The following INSR variants were observed in gnomAD, a reference collection of about 807,000 sequenced individuals.
The protein encoded by INSR is insulin receptor, also known as IR.
INSR carries 67 observed loss-of-function variants against 142.6 expected under a neutral mutation model. The ratio of observed to expected loss-of-function variants is 0.47; its 90% CI spans 0.39 to 0.58. The LOEUF is 0.58. Ranked by LOEUF, INSR falls within the 20% of genes least tolerant of loss-of-function variation. INSR has a pLI of 0.00. For missense variants in INSR, 1,248 were observed against 1,833.2 expected, an observed-to-expected ratio of 0.68 and a Z score of 5.83; for synonymous variants, 756 against 743.1, an observed-to-expected ratio of 1.02 and a Z score of -0.28.
chr19:7,156,310 C>T (rs1489265946), intron 9 of INSR, among the ~76,000 whole-genome samples: 1 of 151,962 alleles, frequency 6.6e-6, no homozygotes, highest in East Asian at 1.9e-4. Flanking sequence ...ATCTGCCCAC[C>T]TCGGCCTCCC....
At chr19:7,147,944 TG>T (rs1431089169) in intron 11 of INSR, among the ~76,000 whole-genome samples, 1 of 151,876 alleles carries the variant, frequency 6.6e-6, no homozygotes, top group Non-Finnish European at 1.5e-5. Flanking sequence ...GACAGAGTCT[TG>T]CTCTGTTGCC....
At chr19:7,197,547 C>G (rs1272107310) in intron 2 of INSR, among the ~76,000 whole-genome samples, 75 of 45,284 alleles carry the variant, frequency 1.7e-3, no homozygotes, top group South Asian at 3.7e-3. Context: ...GTGTGTGTGT[C>G]AGGTTCCAGA....
At chr19:7,191,916 CAGAA>C (rs1191536049) in intron 2 of INSR, among the ~76,000 whole-genome samples, 2 of 119,096 alleles carry the variant, frequency 1.7e-5, no homozygotes, top group East Asian at 2.7e-4. Context: ...AAGAGAAAGA[CAGAA>C]AGAAGGAGGG....
At chr19:7,197,898 T>G in intron 2 of INSR, among the ~76,000 whole-genome samples, 1 of 124,114 alleles carries the variant, frequency 8.1e-6, no homozygotes, top group Non-Finnish European at 1.6e-5. Flanking sequence ...AGCCCCAGGA[T>G]TGGTCGGTTC....
At position 7,215,451 on chromosome 19, in the gene INSR, G is replaced by A. The variant is rs561061449; in HGVS notation, c.653-30814C>T. ...CCCTCCACCCACTCAGTCCTCTCTC[G>A]GTTCCACTTCAGGATGACTCGAAAG... On this transcript the variant is annotated intron_variant, in intron 2 of 21. Transcript: ENST00000302850. Among the ~76,000 whole-genome samples the A allele has an allele frequency of 4.0e-5, 6 of 150,468 alleles. No homozygotes were observed. The South Asian group carries it at 6.3e-4, about 16-fold the overall frequency.
intron 2 of INSR, among the ~76,000 whole-genome samples, chr19:7,235,061 AAAT>A (rs35762925): frequency 6.7e-6 from 1 of 150,340 alleles, no homozygotes; most frequent in Non-Finnish European, 1.5e-5. Context: ...CCGTCTCAAA[AAAT>A]AATAATAATA....
chr19:7,183,706 C>G lies in INSR; in HGVS notation c.974+610G>C, dbSNP rs1004795402. 4.6e-5 allele frequency among the ~76,000 whole-genome samples: 7 copies of G among 152,194 alleles called. No homozygotes were observed. In the South Asian group the frequency reaches 1.5e-3, roughly 32 times the overall value. On this transcript the variant is annotated intron_variant, in intron 3 of 21. Transcript: ENST00000302850. ...GGAGGATTTTAGGGAAAACCAAGGA[C>G]TCTGTCCTTATTATATTTTCTTGTT...
At chr19:7,144,541 T>G (rs1490430803) in intron 11 of INSR, among the ~76,000 whole-genome samples, 1 of 152,046 alleles carries the variant, frequency 6.6e-6, no homozygotes, top group Non-Finnish European at 1.5e-5. Flanking sequence ...GTAGCTGGGA[T>G]TACAGGAGTC....
chr19:7,174,269 G>A (rs192948840), intron 4 of INSR, among the ~76,000 whole-genome samples: 13 of 151,570 alleles, frequency 8.6e-5, no homozygotes, highest in African/African-American at 3.2e-4. Flanking sequence ...TCCAGCCTGG[G>A]CAATGGAGCA....
At chr19:7,197,918 A>T (rs112690302) in intron 2 of INSR, among the ~76,000 whole-genome samples, 1,500 of 100,274 alleles carry the variant, frequency 0.015, 98 homozygotes, top group African/African-American at 0.048. Context: ...CCAGAGTGAG[A>T]GTGTGTGTGT....
rs1972446626 is a variant in INSR, at chr19:7,119,911, C to T, written c.3660-328G>A. 6.6e-6 allele frequency among the ~76,000 whole-genome samples: 1 copy of T among 152,046 alleles called. No homozygotes were observed. ...ATGCACACACATACACACACAAACA[C>T]ACACACAAACACATCTCTTGGTTTC... is the stretch of plus-strand genomic sequence containing the variant. On this transcript the variant is annotated intron_variant, in intron 20 of 21. Transcript: ENST00000302850. The surrounding 1 kb of genome is among the most constrained non-coding windows in gnomAD (Gnocchi z 5.2).
In INSR at chr19:7,175,605, C is replaced by A. The variant is rs372202014; in HGVS notation, c.975-874G>T. On this transcript the variant is annotated intron_variant, in intron 3 of 21. Transcript: ENST00000302850. Reference sequence around the variant, plus strand: ...ATCCCAGCACTTTGGGAGTCCGAGGCGGGCAGATCACCTGAGGTCAGGAGT... The same window carrying A: ...ATCCCAGCACTTTGGGAGTCCGAGGAGGGCAGATCACCTGAGGTCAGGAGT... Among the ~76,000 whole-genome samples the A allele has an allele frequency of 1.1e-3, 172 of 152,192 alleles. 3 individuals are homozygous for A. The South Asian group carries it at 0.034, about 30-fold the overall frequency.
Position 7,225,983 on chromosome 19 carries a change from C to T in INSR, c.653-41346G>A, listed in dbSNP as rs1309667609. Among the ~76,000 whole-genome samples, 3 of 152,180 alleles carry T rather than the reference C, an allele frequency of 2.0e-5. No individual in the cohort carries two copies. Among genetic ancestry groups the T allele is most frequent in the East Asian group, 1.9e-4 (1 of 5,188 alleles). On this transcript the variant is annotated intron_variant, in intron 2 of 21. Coordinates refer to ENST00000302850, the MANE Select transcript of INSR (RefSeq NM_000208.4). This position sits in a 1 kb window ranked among gnomAD's most constrained non-coding sequence, Gnocchi z 4.7. ...GGCCCCAGGTGGAGAAACCCCGTCC[C>T]GGAATGAGAAGCCCCTCTCCTCCAC...
chr19:7,177,248 C>A (rs763727029), intron 3 of INSR, among the ~76,000 whole-genome samples: 1 of 152,122 alleles, frequency 6.6e-6, no homozygotes, highest in Non-Finnish European at 1.5e-5. Context: ...TAAGTCAGTG[C>A]AGTGAGGGTT....
chr19:7,235,840 A>G (rs182265597), intron 2 of INSR, among the ~76,000 whole-genome samples: 40 of 152,182 alleles, frequency 2.6e-4, no homozygotes, highest in Non-Finnish European at 2.1e-4. Flanking sequence ...AAATAATAAT[A>G]ACAATAATAA....
At chr19:7,118,617 C>A (rs1355075550) in intron 21 of INSR, among the ~76,000 whole-genome samples, 1 of 151,966 alleles carries the variant, frequency 6.6e-6, no homozygotes, top group Non-Finnish European at 1.5e-5. Flanking sequence ...CCATGCCCAG[C>A]TACCTGACAA....
intron 1 of INSR, among the ~76,000 whole-genome samples, chr19:7,288,602 G>C (rs1355425011): frequency 6.8e-6 from 1 of 146,506 alleles, no homozygotes; most frequent in African/African-American, 2.5e-5. Context: ...CTAAACCTCT[G>C]CACTCCAGCC....
intron 2 of INSR, among the ~76,000 whole-genome samples, chr19:7,226,728 CAA>C (rs71177177): frequency 9.7e-5 from 11 of 112,878 alleles, no homozygotes; most frequent in Non-Finnish European, 1.5e-4. Flanking sequence ...ACCCTGTTTC[CAA>C]AAAAAAAAAA....
At chr19:7,291,901 T>C (rs1447822665) in intron 1 of INSR, among the ~76,000 whole-genome samples, 4 of 152,144 alleles carry the variant, frequency 2.6e-5, no homozygotes. Flanking sequence ...TACGCCATTC[T>C]CCTGCCTCAG....
Sources: gnomAD v4.1 joint callset for allele counts (sites outside exome capture counted in the v4.1 genomes callset) on GRCh38, gnomAD v4.1.1 for gene constraint, Gnocchi (gnomAD v3.1) non-coding constraint, MANE v1.5 for transcripts, NCBI Gene and HGNC (gene_info 2026-07-23, HGNC 2026-07-21) for gene names.